Variants in TANGO6 observed in about 807,000 individuals in gnomAD.
TANGO6 encodes transport and golgi organization 6 homolog, also known as transport and Golgi organization protein 6 homolog.
In TANGO6, 90 loss-of-function variants were observed where a neutral mutation model predicts 114.2. The ratio of observed to expected loss-of-function variants is 0.79; its 90% CI spans 0.66 to 0.94. The LOEUF (loss-of-function observed/expected upper bound fraction) is 0.94. TANGO6 is among the 40% of genes least tolerant of loss of function. TANGO6 has a pLI of 0.00. For synonymous variants in TANGO6, 477 were observed against 509.8 expected (o/e 0.94, Z 0.87); for missense variants, 1,274 against 1,315.3 (o/e 0.97, Z 0.49).
At chr16:68,900,612 T>C (rs1363389215) in intron 8 of TANGO6, 66 bp downstream of exon 8, 1 of 1,299,588 alleles carries the variant, frequency 7.7e-7, no homozygotes, top group South Asian at 1.3e-5. Flanking sequence ...TTGTTTTTGT[T>C]CTTATTTTGA....
At chr16:68,848,522 T>TA (rs1262141403) in intron 1 of TANGO6, among the ~76,000 whole-genome samples, 1 of 133,952 alleles carries the variant, frequency 7.5e-6, no homozygotes, top group African/African-American at 3.3e-5. Context: ...ATATTTATTG[T>TA]AAAAAAACAA....
chr16:68,983,850 G>A (rs932592708), intron 15 of TANGO6, among the ~76,000 whole-genome samples: 4 of 151,960 alleles, frequency 2.6e-5, no homozygotes, highest in Non-Finnish European at 4.4e-5. Flanking sequence ...TGGCTAACAC[G>A]GTGAAACCCC....
At chr16:68,983,044 T>TA (rs1471501030) in intron 15 of TANGO6, among the ~76,000 whole-genome samples, 1 of 151,940 alleles carries the variant, frequency 6.6e-6, no homozygotes, top group African/African-American at 2.4e-5. Context: ...TGATTTTTTT[T>TA]AGAGACCAGT....
chr16:69,019,168 C>A (rs1959358479), intron 15 of TANGO6, among the ~76,000 whole-genome samples: 1 of 152,050 alleles, frequency 6.6e-6, no homozygotes, highest in Non-Finnish European at 1.5e-5. Context: ...TAGTTTATTT[C>A]TTCTCATTTT....
At chr16:68,922,232 AAAAC>A (rs2152192534) in intron 12 of TANGO6, among the ~76,000 whole-genome samples, 1 of 151,914 alleles carries the variant, frequency 6.6e-6, no homozygotes, top group African/African-American at 2.4e-5. Flanking sequence ...AACAACAACA[AAAAC>A]AAAATTAAAA....
At chr16:69,076,836 C>A (rs1960386951) in intron 17 of TANGO6, among the ~76,000 whole-genome samples, 1 of 152,238 alleles carries the variant, frequency 6.6e-6, no homozygotes, top group East Asian at 1.9e-4. Flanking sequence ...ACCTCCTCCA[C>A]TGACATTCAC....
At position 69,022,974 on chromosome 16, in the gene TANGO6, C is replaced by T; in HGVS notation, c.2989C>T (p.His997Tyr). The change falls in exon 16 of 18, where the codon CAT (histidine) becomes TAT (tyrosine). Residue 997 changes from histidine to tyrosine, a missense_variant. This residue lies in a region of TANGO6 where 238 missense variants were observed against 252.9 expected (regional missense o/e 0.94). Coordinates refer to ENST00000261778, the MANE Select transcript of TANGO6 (RefSeq NM_024562.2). Reference sequence around the variant, plus strand: ...GGACTTTCTGCTGGGCTCCGTGGTCCATGAGGTACTGTATTTTGATTCCTT... The same window carrying T: ...GGACTTTCTGCTGGGCTCCGTGGTCTATGAGGTACTGTATTTTGATTCCTT... ...RLDFLLGSVV[H>Y]EVTACLIAVA... The T allele has an allele frequency of 1.3e-6, 2 of 1,582,596 alleles. No homozygotes were observed. The highest frequency in any genetic ancestry group is 1.7e-6 in the Non-Finnish European group (2 of 1,170,036).
rs1224725782 is a variant in TANGO6, at chr16:69,085,090, A to G, written c.*1429A>G. ...TATTCTCCAAATCAAGGATGTCTAG[A>G]AAATGGGCATTGTGGCTTTCAAATC... is the stretch of plus-strand genomic sequence containing the variant. On this transcript the variant is annotated 3_prime_UTR_variant, in exon 18 of 18. Coordinates refer to ENST00000261778, the MANE Select transcript of TANGO6 (RefSeq NM_024562.2). The G allele has an allele frequency of 6.6e-6, 1 of 152,358 alleles. No homozygotes were observed. The highest frequency in any genetic ancestry group is 1.5e-5 in the Non-Finnish European group (1 of 68,038). The allele number at this position is 152,358 out of a possible 1,614,324, so 9.4% of individuals were successfully genotyped here.
chr16:68,883,071 C>A (rs917096704), intron 7 of TANGO6, among the ~76,000 whole-genome samples: 2 of 152,048 alleles, frequency 1.3e-5, no homozygotes, highest in Non-Finnish European at 2.9e-5. Flanking sequence ...GTGGCACGTG[C>A]CTGTAATCCC....
intron 11 of TANGO6, among the ~76,000 whole-genome samples, chr16:68,909,821 AT>A (rs993144243): frequency 6.6e-6 from 1 of 152,174 alleles, no homozygotes; most frequent in African/African-American, 2.4e-5. Context: ...TCTAAGGTGT[AT>A]CAAAACTTGA....
At chr16:68,907,348 G>T in intron 9 of TANGO6, 95 bp from the exon 10 acceptor site, 1 of 1,293,582 alleles carries the variant, frequency 7.7e-7, no homozygotes, top group Non-Finnish European at 1.0e-6. Flanking sequence ...TTAACTGTTT[G>T]GACATAACAT....
intron 16 of TANGO6, among the ~76,000 whole-genome samples, chr16:69,038,904 C>T (rs112424563): frequency 0.17 from 25,144 of 151,928 alleles, 2,178 homozygotes; most frequent in Non-Finnish European, 0.19. Context: ...TTTAGGTGGG[C>T]CAGGCTCAGT....
At chr16:69,000,626 C>T (rs1431665203) in intron 15 of TANGO6, among the ~76,000 whole-genome samples, 1 of 151,530 alleles carries the variant, frequency 6.6e-6, no homozygotes, top group East Asian at 1.9e-4. Flanking sequence ...GGCTGTCACT[C>T]TCTCACCCAG....
rs1596999790 is a variant in TANGO6, at chr16:68,875,184, T to G, written c.1025T>G (p.Val342Gly). ...GCAGCTGGTGGAAGTGATGCTGAGG[T>G]GACGGCTGCTGACTGGAAGAAGTGT... ...AGAAGGSDAE[V>G]TAADWKKCDL... The change falls in exon 5 of 18, where the codon GTG (valine) becomes GGG (glycine). Residue 342 changes from valine (V) to glycine (G), a missense_variant. Physicochemically the swap from Val to Gly is moderately radical, Grantham distance 109 (BLOSUM62 -3). This residue lies in a region of TANGO6 where 908 missense variants were observed against 910.2 expected (regional missense o/e 1.00). Transcript: ENST00000261778. 6.2e-7 allele frequency: 1 copy of G among 1,613,262 alleles called. No homozygotes were observed. The highest frequency in any genetic ancestry group is 1.1e-5 in the South Asian group (1 of 91,014).
intron 15 of TANGO6, among the ~76,000 whole-genome samples, chr16:69,000,569 T>C (rs369218551): frequency 2.0e-5 from 3 of 152,248 alleles, no homozygotes; most frequent in South Asian, 2.1e-4. Flanking sequence ...TAGTTTATTT[T>C]AAAGGCAAAC....
chr16:69,077,705 T>A (rs1169658821), intron 17 of TANGO6, among the ~76,000 whole-genome samples: 8 of 152,082 alleles, frequency 5.3e-5, no homozygotes, highest in Admixed American at 5.2e-4. Context: ...GGCACGTGCC[T>A]GTAATCCCAG....
Position 68,921,209 on chromosome 16 carries a change from G to A in TANGO6, c.2127+1990G>A, listed in dbSNP as rs531751052. On this transcript the variant is annotated intron_variant, in intron 12 of 17. Transcript: ENST00000261778. ...CTTTTCTTTTTTTTTTTCAGACAGAGTCTTACTCTGTCACCCAGACTGGAA... is the reference window on the plus strand; with the variant it reads ...CTTTTCTTTTTTTTTTTCAGACAGAATCTTACTCTGTCACCCAGACTGGAA... Among the ~76,000 whole-genome samples, 20 of 147,766 alleles carry A rather than the reference G, an allele frequency of 1.4e-4. No individual in the cohort carries two copies. The South Asian group carries it at 3.9e-3, about 29-fold the overall frequency.
At chr16:69,028,492 G>A (rs1959541069) in intron 16 of TANGO6, among the ~76,000 whole-genome samples, 1 of 151,942 alleles carries the variant, frequency 6.6e-6, no homozygotes, top group African/African-American at 2.4e-5. Context: ...AATTAGCCAG[G>A]CGTGGTGGCA....
intron 15 of TANGO6, among the ~76,000 whole-genome samples, chr16:68,976,628 G>A (rs920073944): frequency 3.0e-4 from 46 of 152,284 alleles, no homozygotes; most frequent in African/African-American, 1.0e-3. Context: ...ACCATTAGCT[G>A]TCACACTGAA....
Sources: allele counts gnomAD v4.1 joint callset (sites outside exome capture counted in the v4.1 genomes callset), GRCh38; gene constraint gnomAD v4.1.1; regional missense constraint gnomAD v4.1.1; transcripts MANE v1.5; gene names NCBI Gene and HGNC (gene_info 2026-07-23, HGNC 2026-07-21).